LTBP1: variants seen among roughly 807,000 people sequenced by gnomAD.
LTBP1 encodes latent transforming growth factor beta binding protein 1.
LTBP1 carries 129 observed loss-of-function variants against 207.6 expected under a neutral mutation model. That is an observed-to-expected ratio of 0.62 (90% CI 0.54 to 0.72). The LOEUF (loss-of-function observed/expected upper bound fraction) is 0.72, where lower values mean the gene tolerates loss of function less well. LTBP1 is among the 30% of genes least tolerant of loss of function. The pLI, the probability that LTBP1 is intolerant of heterozygous loss-of-function variation, is 0.00. For synonymous variants in LTBP1, 963 were observed against 833.7 expected (o/e 1.16, Z -2.67); for missense variants, 2,281 against 2,217.2 (o/e 1.03, Z -0.58).
intron 31 of LTBP1, among the ~76,000 whole-genome samples, chr2:33,383,710 AT>A (rs932702245): frequency 6.6e-6 from 1 of 151,806 alleles, no homozygotes; most frequent in Non-Finnish European, 1.5e-5. Flanking sequence ...ATTTTTGAAT[AT>A]TTTTTTGTGG....
rs766700396 is a variant in LTBP1 at position 33,309,444 on chromosome 2, A to G, written c.3492A>G (p.Glu1164=). Reference sequence around the variant, plus strand: ...TAAATTGGTTTTTAGATATCAATGAATGCTTGGAGGACAAGAGTGTTTGCC... The same window carrying G: ...TAAATTGGTTTTTAGATATCAATGAGTGCTTGGAGGACAAGAGTGTTTGCC... The part of the protein sequence containing the change: ...GLGDHCEDIN[E]CLEDKSVCQR... The change falls in exon 23 of 34, where the codon GAA becomes GAG. Residue 1164 remains glutamate, a synonymous_variant. Transcript: ENST00000404816. 4 of 1,595,968 alleles carry G rather than the reference A, an allele frequency of 2.5e-6. No individual in the cohort carries two copies. Among genetic ancestry groups the G allele is most frequent in the South Asian group, 1.2e-5 (1 of 86,478 alleles).
At chr2:33,398,333 T>C in intron 33 of LTBP1, 31 bp from the exon 34 acceptor site, 1 of 1,601,148 alleles carries the variant, frequency 6.2e-7, no homozygotes, top group Non-Finnish European at 8.5e-7. Flanking sequence ...ATATCCAAGA[T>C]TGTTTACCTG....
At chr2:33,015,690 G>C (rs989765314) in intron 2 of LTBP1, among the ~76,000 whole-genome samples, 1 of 152,168 alleles carries the variant, frequency 6.6e-6, no homozygotes, top group African/African-American at 2.4e-5. Context: ...CCTGAGACTG[G>C]GCGATTTATA....
intron 2 of LTBP1, among the ~76,000 whole-genome samples, chr2:32,988,363 C>T (rs1347917679): frequency 1.3e-5 from 2 of 152,162 alleles, no homozygotes; most frequent in Non-Finnish European, 2.9e-5. Context: ...GGTTTAAACT[C>T]TGGGGAGTCA....
rs1021503296 is a variant in LTBP1, at chr2:33,273,758, G to A, written c.2720G>A (p.Ser907Asn). Residue 907 changes from serine (S) to asparagine (N), a missense_variant, in exon 16 of 34, where the codon AGT (serine) becomes AAT (asparagine). By Grantham distance (46) the Ser-to-Asn change is conservative (BLOSUM62 1). Coordinates refer to ENST00000404816, the MANE Select transcript of LTBP1 (RefSeq NM_206943.4). ...TCICYEGYRF[S>N]EQQRKCVDID... Reference sequence around the variant, plus strand: ...ATATGCTACGAGGGCTACAGGTTCAGTGAACAACAGAGGAAATGTGTGGGT... The same window carrying A: ...ATATGCTACGAGGGCTACAGGTTCAATGAACAACAGAGGAAATGTGTGGGT... 6.2e-7 allele frequency: 1 copy of A among 1,607,762 alleles called. No individual in the cohort carries two copies. Among genetic ancestry groups the A allele is most frequent in the Non-Finnish European group, 8.5e-7 (1 of 1,177,602 alleles).
At chr2:33,116,286 C>A (rs911168239) in intron 4 of LTBP1, among the ~76,000 whole-genome samples, 3 of 152,190 alleles carry the variant, frequency 2.0e-5, no homozygotes, top group Non-Finnish European at 2.9e-5. Flanking sequence ...ATTGCTAATT[C>A]CAGTTGTCGT....
Position 33,321,937 on chromosome 2 carries a change from G to C in LTBP1, c.3730+6668G>C, listed in dbSNP as rs189793806. ...TACTGTTCACACTCACTCTTCCTGT[G>C]AATGTACTTCTGCAGAAGTGAGTGA... On this transcript the variant is annotated intron_variant, in intron 24 of 33. Transcript: ENST00000404816. 1.7e-3 allele frequency among the ~76,000 whole-genome samples: 252 copies of C among 152,320 alleles called. 1 individual carries two copies. The highest frequency in any genetic ancestry group is 5.0e-3 in the East Asian group (26 of 5,186).
intron 24 of LTBP1, among the ~76,000 whole-genome samples, chr2:33,319,569 TCTGA>T (rs2094323793): frequency 6.6e-6 from 1 of 152,126 alleles, no homozygotes. Context: ...CCTCCTGATC[TCTGA>T]CTTTGTGTCA....
At chr2:32,997,888 G>T (rs529171285) in intron 2 of LTBP1, among the ~76,000 whole-genome samples, 1 of 152,268 alleles carries the variant, frequency 6.6e-6, no homozygotes, top group East Asian at 1.9e-4. Context: ...CAACTTTTCT[G>T]GTTCCAAGTG....
intron 22 of LTBP1, among the ~76,000 whole-genome samples, chr2:33,305,272 C>G (rs1442319971): frequency 1.3e-5 from 2 of 152,092 alleles, no homozygotes; most frequent in East Asian, 3.8e-4. Flanking sequence ...TGCAACGAGC[C>G]AAGATCACGC....
In LTBP1 at chr2:33,257,478, C is replaced by T. The variant is rs759791813; in HGVS notation, c.2362C>T (p.Arg788Trp). The part of the protein sequence containing the change: ...EEPVEALTFS[R>W]EHGPGVAEPE... Reference sequence around the variant, plus strand: ...GCCAGTGGAGGCCCTGACCTTCTCCCGGGAACACGGGCCAGGAGTGGCGGA... The same window carrying T: ...GCCAGTGGAGGCCCTGACCTTCTCCTGGGAACACGGGCCAGGAGTGGCGGA... Residue 788 changes from arginine to tryptophan, a missense_variant, in exon 12 of 34, where the codon CGG becomes TGG. Around this residue, in one of 3 missense-constraint regions of LTBP1, gnomAD observed 1,671 missense variants for 1,634.8 expected, o/e 1.02. Transcript: ENST00000404816. 2.7e-5 allele frequency: 43 copies of T among 1,614,156 alleles called. No homozygotes were observed. Among genetic ancestry groups the T allele is most frequent in the South Asian group, 1.1e-4 (10 of 91,082 alleles).
chr2:33,274,934 C>A (rs559512922), intron 16 of LTBP1, 31 bp from the exon 17 acceptor site: 2 of 1,608,874 alleles, frequency 1.2e-6, no homozygotes, highest in African/African-American at 2.7e-5. Flanking sequence ...CTACACAGAA[C>A]TAATATTTTT....
chr2:33,288,768 T>G (rs897934927), intron 19 of LTBP1, among the ~76,000 whole-genome samples: 4 of 149,394 alleles, frequency 2.7e-5, no homozygotes, highest in Admixed American at 6.7e-5. Context: ...GGCAGGAGAA[T>G]CGCTTGAACC....
At chr2:33,155,347 C>T (rs1017133463) in intron 5 of LTBP1, among the ~76,000 whole-genome samples, 7 of 152,152 alleles carry the variant, frequency 4.6e-5, no homozygotes, top group Non-Finnish European at 1.0e-4. Context: ...GGATTACAGG[C>T]GTGAGCCACC....
rs74526311 is a variant in LTBP1, at chr2:33,334,601, A to T, written c.3731-8237A>T. Among the ~76,000 whole-genome samples the T allele has an allele frequency of 1.8e-3, 277 of 152,270 alleles. 1 individual carries two copies. The highest frequency in any genetic ancestry group is 6.5e-3 in the African/African-American group (270 of 41,558). On this transcript the variant is annotated intron_variant, in intron 24 of 33. Transcript: ENST00000404816. ...GGAGCAGTAATCAAGGATGACTCCC[A>T]CATTTTTGGGTAACTAGGATGATAT...
intron 31 of LTBP1, among the ~76,000 whole-genome samples, chr2:33,385,745 G>A (rs570118108): frequency 3.3e-5 from 5 of 152,274 alleles, no homozygotes; most frequent in East Asian, 1.9e-4. Context: ...TGGGAAGGGC[G>A]GCGTGGATGG....
intron 19 of LTBP1, among the ~76,000 whole-genome samples, chr2:33,289,082 A>T (rs1452960884): frequency 2.6e-5 from 4 of 152,198 alleles, no homozygotes; most frequent in Admixed American, 1.3e-4. Context: ...AGATGAGTAG[A>T]CCAGGAAATT....
At chr2:33,141,747 C>T (rs2082659186) in intron 5 of LTBP1, among the ~76,000 whole-genome samples, 1 of 152,056 alleles carries the variant, frequency 6.6e-6, no homozygotes, top group Non-Finnish European at 1.5e-5. Flanking sequence ...AGACTCTGAC[C>T]CTGCTTTTTA....
chr2:33,096,600 G>C (rs942301375), intron 3 of LTBP1, among the ~76,000 whole-genome samples: 1 of 152,170 alleles, frequency 6.6e-6, no homozygotes, highest in Admixed American at 6.5e-5. Context: ...GTAGTTTTCA[G>C]AGTTTTTAAA....
Sources: gnomAD v4.1 joint callset for allele counts (sites outside exome capture counted in the v4.1 genomes callset) on GRCh38, gnomAD v4.1.1 for gene constraint, gnomAD v4.1.1 regional missense constraint, MANE v1.5 for transcripts, NCBI Gene and HGNC (gene_info 2026-07-23, HGNC 2026-07-21) for gene names.